SEC24B: variants seen among roughly 807,000 people sequenced by gnomAD.
The protein encoded by SEC24B is protein transport protein Sec24B.
SEC24B carries 45 observed loss-of-function variants against 142.8 expected under a neutral mutation model. That is an observed-to-expected ratio of 0.32 (90% CI 0.25 to 0.40). The LOEUF (loss-of-function observed/expected upper bound fraction) is 0.40. SEC24B is among the 10% of genes least tolerant of loss of function. The probability of loss-of-function intolerance (pLI) is 1.00; values close to 1 mark genes in which losing one functional copy is unlikely to be tolerated. For missense variants in SEC24B, 1,409 were observed against 1,526.8 expected (o/e 0.92, Z 1.29); for synonymous variants, 574 against 568.2 (o/e 1.01, Z -0.15).
At chr4:109,486,667 A>G (rs764445822) in intron 4 of SEC24B, among the ~76,000 whole-genome samples, 6 of 152,222 alleles carry the variant, frequency 3.9e-5, no homozygotes, top group Non-Finnish European at 7.3e-5. Flanking sequence ...TTGTAGTGTG[A>G]AGTGACTGAG....
At chr4:109,533,450 T>C (rs561491105) in intron 21 of SEC24B, 143 bp from the exon 22 acceptor site, 65 of 639,324 alleles carry the variant, frequency 1.0e-4, no homozygotes, top group African/African-American at 1.1e-4. Flanking sequence ...TTCTTACATA[T>C]AGATTCACAA....
At chr4:109,441,667 C>T (rs1177922101) in intron 1 of SEC24B, among the ~76,000 whole-genome samples, 1 of 152,040 alleles carries the variant, frequency 6.6e-6, no homozygotes, top group Non-Finnish European at 1.5e-5. Flanking sequence ...CCTACCTTGG[C>T]CTCCCAGAGT....
chr4:109,436,454 T>C (rs779278813), intron 1 of SEC24B, among the ~76,000 whole-genome samples: 4 of 152,154 alleles, frequency 2.6e-5, no homozygotes, highest in Non-Finnish European at 4.4e-5. Flanking sequence ...ACAGACAGAA[T>C]TGTAAAACTG....
At chr4:109,482,821 G>A (rs760021353) in intron 4 of SEC24B, among the ~76,000 whole-genome samples, 3 of 148,088 alleles carry the variant, frequency 2.0e-5, no homozygotes, top group African/African-American at 7.5e-5. Flanking sequence ...TTGTAGAGAT[G>A]GGGTTTCGCC....
At chr4:109,493,688 G>T (rs1735240139) in intron 5 of SEC24B, among the ~76,000 whole-genome samples, 1 of 151,418 alleles carries the variant, frequency 6.6e-6, no homozygotes, top group Non-Finnish European at 1.5e-5. Flanking sequence ...GAGTGCAATG[G>T]CGCAATCTCG....
At chr4:109,509,290 A>G (rs1737051677) in intron 7 of SEC24B, among the ~76,000 whole-genome samples, 1 of 152,242 alleles carries the variant, frequency 6.6e-6, no homozygotes, top group African/African-American at 2.4e-5. Context: ...ACGACTCTTC[A>G]TAAAATTTCT....
intron 4 of SEC24B, 112 bp from the exon 5 acceptor site, chr4:109,491,215 A>C: frequency 1.4e-6 from 1 of 725,258 alleles, no homozygotes. Flanking sequence ...CTTTTTTACT[A>C]GAATCAGGAA....
chr4:109,447,733 C>A (rs1037290111), intron 1 of SEC24B, among the ~76,000 whole-genome samples: 11 of 151,868 alleles, frequency 7.2e-5, no homozygotes, highest in Non-Finnish European at 1.3e-4. Context: ...AAGCAGAGGT[C>A]AGATGATGGA....
rs1038165092 is a variant in SEC24B, at chr4:109,520,216, T to C, written c.2127-150T>C. The C allele has an allele frequency of 1.6e-5, 9 of 572,248 alleles. 1 individual carries two copies. Among genetic ancestry groups the C allele is most frequent in the African/African-American group, 1.1e-4 (6 of 52,910 alleles). 35.4% of individuals were successfully genotyped at this position (572,248 alleles called of 1,614,324 possible). On this transcript the variant is annotated intron_variant, in intron 11 of 23. Coordinates refer to ENST00000265175, the MANE Select transcript of SEC24B (RefSeq NM_006323.5). The stretch of plus-strand genomic sequence containing the variant: ...TTCACCTTGGTCTTCTTCTCTGATA[T>C]ATATTTGTTTAGATAGGGATAATTT...
chr4:109,463,119 A>G lies in SEC24B; in HGVS notation c.352A>G (p.Ser118Gly), dbSNP rs772062432. Residue 118 changes from serine to glycine, a missense_variant, in exon 2 of 24, where the codon AGC (serine) becomes GGC (glycine). Transcript: ENST00000265175. ...NQQPGAQQLY[S>G]RGPPAPHIVG... is the part of the protein sequence containing the mutation. ...GCAACCAGGAGCACAGCAGTTGTAC[A>G]GCAGGGGTCCTCCTGCCCCTCATAT... 4.1e-5 allele frequency: 66 copies of G among 1,614,072 alleles called. No individual in the cohort carries two copies. The highest frequency in any genetic ancestry group is 5.2e-5 in the Non-Finnish European group (61 of 1,180,014).
chr4:109,481,735 A>C lies in SEC24B; in HGVS notation c.1119A>C (p.Ser373=). The C allele has an allele frequency of 6.2e-7, 1 of 1,613,920 alleles. No individual in the cohort carries two copies. The highest frequency in any genetic ancestry group is 8.5e-7 in the Non-Finnish European group (1 of 1,179,828). The change falls in exon 4 of 24, where the codon TCA becomes TCC. Residue 373 remains serine (S), a synonymous_variant. Coordinates refer to ENST00000265175, the MANE Select transcript of SEC24B (RefSeq NM_006323.5). ...CTAGCTCCGCACCAACTCCCTTGTCATCAACTTCCGATGATGAGGAAGAGG... is the reference window on the plus strand; with the variant it reads ...CTAGCTCCGCACCAACTCCCTTGTCCTCAACTTCCGATGATGAGGAAGAGG... ...NQASSAPTPL[S]STSDDEEEEE...
intron 9 of SEC24B, 40 bp downstream of exon 9, chr4:109,512,123 C>CA: frequency 1.3e-6 from 2 of 1,534,400 alleles, no homozygotes; most frequent in Non-Finnish European, 1.8e-6. Context: ...ATCCTATTTT[C>CA]AGGTTTTTTT....
At chr4:109,536,395 T>G (rs1725540124) in intron 22 of SEC24B, among the ~76,000 whole-genome samples, 1 of 150,380 alleles carries the variant, frequency 6.6e-6, no homozygotes, top group African/African-American at 2.5e-5. Context: ...GACCACTGAT[T>G]AGTCATTAAG....
Position 109,497,176 on chromosome 4 carries a change from T to A in SEC24B, c.1488+2320T>A, listed in dbSNP as rs146606772. ...TACAGTTGAGTAGTTGCAAAAGAGA[T>A]CATGTGGCTCTCAAAGCTTTAAAAT... On this transcript the variant is annotated intron_variant, in intron 6 of 23. Transcript: ENST00000265175. Among the ~76,000 whole-genome samples the A allele has an allele frequency of 2.0e-5, 3 of 152,362 alleles. No individual in the cohort carries two copies. The East Asian group carries it at 5.8e-4, about 29-fold the overall frequency.
At chr4:109,529,283 AC>A (rs1364638667) in intron 18 of SEC24B, among the ~76,000 whole-genome samples, 2 of 152,204 alleles carry the variant, frequency 1.3e-5, no homozygotes, top group Admixed American at 6.5e-5. Context: ...TTCAGGGAGT[AC>A]ATATGCACGT....
At chr4:109,527,629 G>A (rs1284017147) in intron 18 of SEC24B, among the ~76,000 whole-genome samples, 197 bp downstream of exon 18, 4 of 151,826 alleles carry the variant, frequency 2.6e-5, no homozygotes, top group Admixed American at 6.6e-5. Context: ...AAAAATAGCC[G>A]AGCGTGGTGG....
intron 15 of SEC24B, 123 bp from the exon 16 acceptor site, chr4:109,525,223 T>A: frequency 1.2e-6 from 1 of 829,798 alleles, no homozygotes; most frequent in East Asian, 2.9e-5. Context: ...TGTATGTTCT[T>A]ATTTTGATGG....
At chr4:109,452,865 T>C (rs924398708) in intron 1 of SEC24B, among the ~76,000 whole-genome samples, 13 of 152,380 alleles carry the variant, frequency 8.5e-5, no homozygotes, top group Non-Finnish European at 1.8e-4. Flanking sequence ...TTCATGACTG[T>C]GTCTTATTTT....
intron 1 of SEC24B, among the ~76,000 whole-genome samples, chr4:109,445,073 G>A (rs1486524091): frequency 6.6e-6 from 1 of 151,990 alleles, no homozygotes; most frequent in African/African-American, 2.4e-5. Flanking sequence ...ACAGGTGTGC[G>A]CCACTACACC....
Sources: gnomAD v4.1 joint callset for allele counts (sites outside exome capture counted in the v4.1 genomes callset) on GRCh38, gnomAD v4.1.1 for gene constraint, MANE v1.5 for transcripts, NCBI Gene and HGNC (gene_info 2026-07-23, HGNC 2026-07-21) for gene names.